The following TMEM207 variants were observed in gnomAD, a reference collection of about 807,000 sequenced individuals.
TMEM207 encodes the protein transmembrane protein 207, also known as SRSR846.
TMEM207 carries 15 observed loss-of-function variants against 17.4 expected under a neutral mutation model. That is an observed-to-expected ratio of 0.86 (90% confidence interval 0.58 to 1.33). TMEM207 has a LOEUF of 1.33. Ranked by LOEUF, TMEM207 falls within the 40% of genes most tolerant of loss-of-function variation. The pLI is 0.00. For missense variants in TMEM207, 205 were observed against 173.8 expected, an observed-to-expected ratio of 1.18 and a Z score of -1.01; for synonymous variants, 70 against 65.6, an observed-to-expected ratio of 1.07 and a Z score of -0.33.
chr3:190,438,730 G>C (rs78257816), intron 4 of TMEM207, among the ~76,000 whole-genome samples: 5,373 of 152,170 alleles, frequency 0.035, 230 homozygotes, highest in African/African-American at 0.099. Context: ...TTAAATACCT[G>C]GAGGTAAATA....
rs1452288679 is a variant in TMEM207 at position 190,449,605 on chromosome 3, T to C, written c.75+130A>G. 5 of 796,724 alleles carry C rather than the reference T, an allele frequency of 6.3e-6. No individual in the cohort carries two copies. In the African/African-American group the frequency reaches 6.9e-5, roughly 11 times the overall value. The allele number at this position is 796,724 out of a possible 1,614,324, so 49.4% of individuals were successfully genotyped here. A position where few individuals can be genotyped will look rare whatever the true frequency, so the allele number is the denominator to read the frequency against. ...AATACAAGAAATCATAAGATGCTAG[T>C]AAAGCTTGAAGGAAATCTTTTAAAT... On this transcript the variant is annotated intron_variant, in intron 1 of 4. Transcript: ENST00000354905.
chr3:190,430,955 T>C (rs1273968680), intron 4 of TMEM207, among the ~76,000 whole-genome samples: 1 of 152,176 alleles, frequency 6.6e-6, no homozygotes, highest in African/African-American at 2.4e-5. Flanking sequence ...CATTAGTTGC[T>C]TCACTAGGAT....
rs1387364424 is a variant in TMEM207, at chr3:190,428,987, T to G, written c.*608A>C. On this transcript the variant is annotated 3_prime_UTR_variant, in exon 5 of 5. Transcript: ENST00000354905. Reference sequence around the variant, plus strand: ...TGCTCTATATCTTCAGCAATCTCCTTCACCTTCTATCTACAATTTCTTCCT... The same window carrying G: ...TGCTCTATATCTTCAGCAATCTCCTGCACCTTCTATCTACAATTTCTTCCT... 1 of 152,322 alleles carries G rather than the reference T, an allele frequency of 6.6e-6. No homozygotes were observed. The highest frequency in any genetic ancestry group is 1.5e-5 in the Non-Finnish European group (1 of 68,134). 9.4% of individuals were successfully genotyped at this position (152,322 alleles called of 1,614,324 possible).
chr3:190,441,535 T>G (rs372537809), intron 2 of TMEM207, 53 bp from the exon 3 acceptor site: 1 of 1,450,078 alleles, frequency 6.9e-7, no homozygotes, highest in South Asian at 1.2e-5. Context: ...CCAAAGCCTA[T>G]TTCTTTCACC....
At chr3:190,445,120 C>T (rs1440475235) in intron 2 of TMEM207, among the ~76,000 whole-genome samples, 1 of 152,176 alleles carries the variant, frequency 6.6e-6, no homozygotes, top group Non-Finnish European at 1.5e-5. Flanking sequence ...CAAGCTCTGC[C>T]TTTTAACTTG....
chr3:190,440,853 G>C (rs977668030), intron 3 of TMEM207, among the ~76,000 whole-genome samples: 2 of 152,178 alleles, frequency 1.3e-5, no homozygotes, highest in African/African-American at 2.4e-5. Flanking sequence ...CGGATCACGA[G>C]GTCAGGAGAT....
Position 190,449,844 on chromosome 3 carries a change from G to A in TMEM207, c.-35C>T, listed in dbSNP as rs372342508. On this transcript the variant is annotated 5_prime_UTR_variant, in exon 1 of 5. Transcript: ENST00000354905. The stretch of plus-strand genomic sequence containing the variant: ...ACAGTCAACTTAGGATAGTGGTTTG[G>A]TGCCTGTGTTTATTTCCTTCTTTCT... 2.5e-6 allele frequency: 4 copies of A among 1,588,588 alleles called. No homozygotes were observed. Among genetic ancestry groups the A allele is most frequent in the African/African-American group, 2.7e-5 (2 of 74,358 alleles).
chr3:190,431,763 AT>A (rs1314920563), intron 4 of TMEM207, among the ~76,000 whole-genome samples: 3 of 152,116 alleles, frequency 2.0e-5, no homozygotes, highest in African/African-American at 4.8e-5. Flanking sequence ...ACTAGCTCCA[AT>A]TTATTTGTAC....
At position 190,449,785 on chromosome 3, in the gene TMEM207, C is replaced by T. The variant is rs367976789; in HGVS notation, c.25G>A (p.Val9Ile). MSRSRLFS[V>I]TSAISTIGIL... ...CCTATCGTTGAGATCGCTGAGGTGA[C>T]ACTGAAAAGTCTGGATCTTGACATA... The change falls in exon 1 of 5, where the codon GTC (valine) becomes ATC (isoleucine). Residue 9 changes from valine to isoleucine, a missense_variant. By Grantham distance (29) the Val-to-Ile change is conservative. Coordinates refer to ENST00000354905, the MANE Select transcript of TMEM207 (RefSeq NM_207316.3). 1 of 1,613,866 alleles carries T rather than the reference C, an allele frequency of 6.2e-7. No homozygotes were observed. The highest frequency in any genetic ancestry group is 8.5e-7 in the Non-Finnish European group (1 of 1,179,812).
intron 2 of TMEM207, among the ~76,000 whole-genome samples, chr3:190,445,487 G>T (rs1442879947): frequency 6.6e-6 from 1 of 152,204 alleles, no homozygotes; most frequent in Non-Finnish European, 1.5e-5. Context: ...ACGTACCCTG[G>T]TGTTGAAAAC....
chr3:190,435,891 C>T (rs1159393840), intron 4 of TMEM207, among the ~76,000 whole-genome samples: 1 of 152,218 alleles, frequency 6.6e-6, no homozygotes, highest in African/African-American at 2.4e-5. Flanking sequence ...TTATAAGGAT[C>T]CAAGCCAAGT....
chr3:190,438,585 G>A (rs1049429112), intron 4 of TMEM207, among the ~76,000 whole-genome samples: 6 of 152,162 alleles, frequency 3.9e-5, no homozygotes, highest in Non-Finnish European at 8.8e-5. Context: ...AAATTAAAAC[G>A]AAAATTCTTT....
At chr3:190,438,571 CTTAAAA>C (rs796310182) in intron 4 of TMEM207, among the ~76,000 whole-genome samples, 5 of 152,238 alleles carry the variant, frequency 3.3e-5, no homozygotes, top group African/African-American at 1.2e-4. Context: ...TAATAATATA[CTTAAAA>C]TTAAAACGAA....
At position 190,440,298 on chromosome 3, in the gene TMEM207, A is replaced by G. The variant is rs778767200; in HGVS notation, c.250T>C (p.Ser84Pro). ...AAAACTGCCATGGTGCGCCTGTGAG[A>G]ATCAATTCGGGGTCTCCTCAGCCAG... ...QCWLRRPRID[S>P]HRRTMAVFAV... Residue 84 changes from serine to proline, a missense_variant, in exon 4 of 5, where the codon TCT becomes CCT. Ser to Pro is a moderately conservative substitution (Grantham distance 74, BLOSUM62 -1). Transcript: ENST00000354905. 6.2e-7 allele frequency: 1 copy of G among 1,614,170 alleles called. No homozygotes were observed. Among genetic ancestry groups the G allele is most frequent in the Non-Finnish European group, 8.5e-7 (1 of 1,180,032 alleles).
intron 4 of TMEM207, among the ~76,000 whole-genome samples, chr3:190,436,922 T>C (rs1179666512): frequency 6.6e-6 from 1 of 152,180 alleles, no homozygotes; most frequent in East Asian, 1.9e-4. Context: ...TGAATGGCTG[T>C]TCCCTGCCTA....
chr3:190,448,540 T>C (rs1720098749), intron 1 of TMEM207, among the ~76,000 whole-genome samples: 1 of 152,152 alleles, frequency 6.6e-6, no homozygotes, highest in Admixed American at 6.5e-5. Flanking sequence ...TTTCTAAAGA[T>C]CTTATTATCT....
At chr3:190,443,913 A>G (rs78714354) in intron 2 of TMEM207, among the ~76,000 whole-genome samples, 1 of 152,226 alleles carries the variant, frequency 6.6e-6, no homozygotes, top group South Asian at 2.1e-4. Context: ...AATAAGAATT[A>G]TCTAGAATTA....
intron 1 of TMEM207, among the ~76,000 whole-genome samples, chr3:190,449,126 T>C (rs1267649697): frequency 6.6e-6 from 1 of 152,212 alleles, no homozygotes; most frequent in Non-Finnish European, 1.5e-5. Flanking sequence ...TAGTACACAG[T>C]ATTAAATTAT....
At chr3:190,438,237 A>G (rs1314920306) in intron 4 of TMEM207, among the ~76,000 whole-genome samples, 2 of 152,082 alleles carry the variant, frequency 1.3e-5, no homozygotes, top group Non-Finnish European at 2.9e-5. Context: ...CCTAAAACTT[A>G]AAGTATAATA....
Sources: allele counts gnomAD v4.1 joint callset (sites outside exome capture counted in the v4.1 genomes callset), GRCh38; gene constraint gnomAD v4.1.1; transcripts MANE v1.5; gene names NCBI Gene and HGNC (gene_info 2026-07-23, HGNC 2026-07-21).